Variants in DIAPH3 observed in about 807,000 individuals in gnomAD.
The protein encoded by DIAPH3 is diaphanous related formin 3, also known as protein diaphanous homolog 3.
DIAPH3 carries 117 observed loss-of-function variants against 144.3 expected under a neutral mutation model. That is an observed-to-expected ratio of 0.81 (90% confidence interval 0.70 to 0.95). The LOEUF is 0.95. DIAPH3 is among the 40% of genes least tolerant of loss of function. The pLI is 0.00. For missense variants in DIAPH3, 1,421 were observed against 1,412.7 expected, an observed-to-expected ratio of 1.01 and a Z score of -0.09; for synonymous variants, 519 against 488.9, an observed-to-expected ratio of 1.06 and a Z score of -0.81.
intron 9 of DIAPH3, among the ~76,000 whole-genome samples, chr13:59,993,803 C>T: frequency 6.7e-6 from 1 of 149,432 alleles, no homozygotes; most frequent in Admixed American, 6.8e-5. Context: ...AAAATGTTTT[C>T]CTTCCACCCC....
intron 20 of DIAPH3, among the ~76,000 whole-genome samples, chr13:59,893,741 T>A (rs896800356): frequency 6.6e-6 from 1 of 152,150 alleles, no homozygotes; most frequent in African/African-American, 2.4e-5. Flanking sequence ...CCTTTTTCTA[T>A]GATATTTGCT....
At chr13:59,713,501 TG>T (rs2034863179) in intron 27 of DIAPH3, among the ~76,000 whole-genome samples, 1 of 152,132 alleles carries the variant, frequency 6.6e-6, no homozygotes, top group Non-Finnish European at 1.5e-5. Flanking sequence ...TGATCTGGGA[TG>T]GGGAAGTAGT....
chr13:59,907,232 G>A (rs1249391678), intron 20 of DIAPH3, among the ~76,000 whole-genome samples: 2 of 152,054 alleles, frequency 1.3e-5, no homozygotes, highest in Non-Finnish European at 1.5e-5. Context: ...GACTGTCCAG[G>A]GAAAAGAATA....
At chr13:60,023,952 T>C (rs1205197800) in intron 5 of DIAPH3, among the ~76,000 whole-genome samples, 1 of 134,648 alleles carries the variant, frequency 7.4e-6, no homozygotes, top group Non-Finnish European at 1.5e-5. Flanking sequence ...GCCTCCCGGG[T>C]TCACACCATT....
At chr13:60,092,513 T>C (rs1323297053) in intron 4 of DIAPH3, among the ~76,000 whole-genome samples, 1 of 152,020 alleles carries the variant, frequency 6.6e-6, no homozygotes, top group Admixed American at 6.5e-5. Flanking sequence ...TTTCCAGGCG[T>C]GGTGGCAGGC....
chr13:59,715,922 TC>T (rs146145101), intron 27 of DIAPH3, among the ~76,000 whole-genome samples: 1,802 of 152,284 alleles, frequency 0.012, 32 homozygotes, highest in African/African-American at 0.041. Flanking sequence ...ACTGAGCACT[TC>T]TAAGGATAAT....
At chr13:59,894,351 A>C (rs1314283380) in intron 20 of DIAPH3, among the ~76,000 whole-genome samples, 1 of 152,084 alleles carries the variant, frequency 6.6e-6, no homozygotes, top group East Asian at 1.9e-4. Context: ...GGCATAAAAA[A>C]AATAGGCAGA....
chr13:60,025,295 G>A (rs749308682), intron 5 of DIAPH3, among the ~76,000 whole-genome samples: 1 of 147,810 alleles, frequency 6.8e-6, no homozygotes, highest in Non-Finnish European at 1.5e-5. Flanking sequence ...AAGGCAGAAA[G>A]ACAACCCAGC....
At chr13:59,819,728 A>T (rs1300440321) in intron 24 of DIAPH3, among the ~76,000 whole-genome samples, 1 of 150,490 alleles carries the variant, frequency 6.6e-6, no homozygotes, top group Non-Finnish European at 1.5e-5. Flanking sequence ...CTTCAAGAAT[A>T]CATTAAGTAT....
intron 27 of DIAPH3, among the ~76,000 whole-genome samples, chr13:59,751,508 C>T (rs771569086): frequency 2.6e-5 from 4 of 152,174 alleles, no homozygotes; most frequent in Admixed American, 2.0e-4. Context: ...TTCATTGCTA[C>T]GAGTGTTATT....
At chr13:60,022,292 G>A (rs1370530939) in intron 5 of DIAPH3, among the ~76,000 whole-genome samples, 1 of 152,114 alleles carries the variant, frequency 6.6e-6, no homozygotes, top group East Asian at 1.9e-4. Context: ...TGTAAAACAA[G>A]CGTCCTGAAA....
intron 27 of DIAPH3, among the ~76,000 whole-genome samples, chr13:59,744,700 C>T (rs2139072807): frequency 6.6e-6 from 1 of 152,266 alleles, no homozygotes; most frequent in South Asian, 2.1e-4. Context: ...AACTTATTAT[C>T]ACAGCACAGA....
At chr13:59,734,855 C>T (rs1423229368) in intron 27 of DIAPH3, among the ~76,000 whole-genome samples, 3 of 152,124 alleles carry the variant, frequency 2.0e-5, no homozygotes, top group Non-Finnish European at 4.4e-5. Context: ...CTTGAAGTAT[C>T]TAACATTACC....
chr13:59,978,599 T>C (rs1334947736), intron 14 of DIAPH3, among the ~76,000 whole-genome samples: 1 of 151,740 alleles, frequency 6.6e-6, no homozygotes, highest in Non-Finnish European at 1.5e-5. Context: ...GTATTACTTA[T>C]GAAAAAATAA....
intron 1 of DIAPH3, among the ~76,000 whole-genome samples, chr13:60,161,202 G>A (rs1952273565): frequency 2.0e-5 from 3 of 152,198 alleles, no homozygotes. Flanking sequence ...CTCAGATAAT[G>A]ACTGGGTGAC....
chr13:59,767,277 TG>T (rs1218339300), intron 27 of DIAPH3, among the ~76,000 whole-genome samples: 1 of 152,216 alleles, frequency 6.6e-6, no homozygotes, highest in African/African-American at 2.4e-5. Flanking sequence ...GACATGCCCA[TG>T]AAAGTTTAGT....
chr13:59,743,125 T>G (rs961323229), intron 27 of DIAPH3, among the ~76,000 whole-genome samples: 1 of 152,122 alleles, frequency 6.6e-6, no homozygotes, highest in Admixed American at 6.6e-5. Context: ...CTACTGGAAC[T>G]TACACAGACA....
intron 4 of DIAPH3, among the ~76,000 whole-genome samples, chr13:60,068,320 C>A (rs542216461): frequency 6.6e-6 from 1 of 152,128 alleles, no homozygotes; most frequent in African/African-American, 2.4e-5. Context: ...CATCACAGTT[C>A]CACCAGCCAT....
At chr13:59,870,681 T>TA (rs61512486) in intron 21 of DIAPH3, among the ~76,000 whole-genome samples, 48 of 150,462 alleles carry the variant, frequency 3.2e-4, no homozygotes, top group East Asian at 7.7e-4. Flanking sequence ...TTTTTTTTTT[T>TA]AAATTTGAGA....
Sources: allele counts gnomAD v4.1 joint callset (sites outside exome capture counted in the v4.1 genomes callset), GRCh38; gene constraint gnomAD v4.1.1; transcripts MANE v1.5; gene names NCBI Gene and HGNC (gene_info 2026-07-23, HGNC 2026-07-21).